The following MOSMO variants were observed in gnomAD, a reference collection of about 807,000 sequenced individuals.
MOSMO encodes modulator of smoothened protein.
MOSMO carries 5 observed loss-of-function variants against 18.4 expected under a neutral mutation model. The observed-to-expected ratio is 0.27, with a 90% CI of 0.14 to 0.57. The LOEUF is 0.57. Ranked by LOEUF, MOSMO falls within the 20% of genes least tolerant of loss-of-function variation. The pLI, the probability that MOSMO is intolerant of heterozygous loss-of-function variation, is 0.92. For synonymous variants in MOSMO, 82 were observed against 82.3 expected (o/e 1.00, Z 0.02); for missense variants, 138 against 211.8 (o/e 0.65, Z 2.16).
At chr16:22,020,059 C>T (rs1899723556) in intron 1 of MOSMO, among the ~76,000 whole-genome samples, 1 of 151,306 alleles carries the variant, frequency 6.6e-6, no homozygotes, top group Non-Finnish European at 1.5e-5. Flanking sequence ...ACTAAAAATA[C>T]AAAATTAGCC....
intron 1 of MOSMO, among the ~76,000 whole-genome samples, chr16:22,055,324 T>A (rs113404946): frequency 1.1e-4 from 16 of 152,176 alleles, no homozygotes; most frequent in Non-Finnish European, 1.5e-5. Context: ...ACACACTGCT[T>A]CTGGGTACTG....
intron 1 of MOSMO, among the ~76,000 whole-genome samples, chr16:22,037,376 T>C (rs1282965439): frequency 2.6e-5 from 4 of 152,172 alleles, no homozygotes; most frequent in African/African-American, 9.7e-5. Context: ...GGAATTAAGG[T>C]ATGAAATCAG....
intron 1 of MOSMO, among the ~76,000 whole-genome samples, chr16:22,051,785 G>T (rs1409710742): frequency 6.6e-6 from 1 of 152,132 alleles, no homozygotes; most frequent in African/African-American, 2.4e-5. Flanking sequence ...CTGGTGTCTG[G>T]GATGGGGTGG....
chr16:22,050,042 A>C (rs996456372), intron 1 of MOSMO, among the ~76,000 whole-genome samples: 1 of 152,220 alleles, frequency 6.6e-6, no homozygotes, highest in Admixed American at 6.5e-5. Context: ...GTATCATTTC[A>C]AAACTGACTT....
chr16:22,073,805 G>C (rs1900908531), intron 1 of MOSMO, among the ~76,000 whole-genome samples: 3 of 151,798 alleles, frequency 2.0e-5, no homozygotes, highest in South Asian at 4.2e-4. Context: ...GAAGATTTGT[G>C]TACTTTCTGT....
In MOSMO at chr16:22,045,526, T is replaced by TA. The variant is rs775743597; in HGVS notation, c.107-29956dup. On this transcript the variant is annotated intron_variant, in intron 1 of 2. Coordinates refer to ENST00000542527, the MANE Select transcript of MOSMO (RefSeq NM_001164579.2). ...ATAAAAATTTGCTTTTTGCATTTCT[T>TA]AAAAAGATTTCCTACGCTAAAAGGG... is the stretch of plus-strand genomic sequence containing the variant. 6.6e-5 allele frequency among the ~76,000 whole-genome samples: 10 copies of TA among 152,314 alleles called. No homozygotes were observed. In the East Asian group the frequency reaches 1.7e-3, roughly 26 times the overall value.
intron 1 of MOSMO, among the ~76,000 whole-genome samples, chr16:22,056,707 A>G (rs1900545993): frequency 6.6e-6 from 1 of 152,046 alleles, no homozygotes; most frequent in Non-Finnish European, 1.5e-5. Context: ...CAAATTAGAC[A>G]AACAAAAATA....
downstream of MOSMO, among the ~76,000 whole-genome samples, chr16:22,088,128 A>T (rs1901222070): frequency 6.6e-6 from 1 of 151,946 alleles, no homozygotes; most frequent in Admixed American, 6.5e-5. Context: ...GGCTCAAGCG[A>T]TTCACCCACC....
chr16:22,077,868 C>T (rs1245380050), intron 2 of MOSMO, among the ~76,000 whole-genome samples: 2 of 152,062 alleles, frequency 1.3e-5, no homozygotes, highest in East Asian at 3.9e-4. Flanking sequence ...GGTACCAGAA[C>T]GAGTGGCTGG....
intron 1 of MOSMO, among the ~76,000 whole-genome samples, chr16:22,037,533 TC>T (rs1217301652): frequency 6.6e-6 from 1 of 152,108 alleles, no homozygotes; most frequent in East Asian, 1.9e-4. Context: ...GGCATATAGA[TC>T]CCATAGATTG....
chr16:22,062,853 T>C (rs182333439), intron 1 of MOSMO, among the ~76,000 whole-genome samples: 12 of 152,058 alleles, frequency 7.9e-5, no homozygotes, highest in Non-Finnish European at 1.6e-4. Context: ...AGACCTGGAT[T>C]TCGGTCTTTT....
At chr16:22,056,273 C>T (rs1166782008) in intron 1 of MOSMO, among the ~76,000 whole-genome samples, 4 of 151,750 alleles carry the variant, frequency 2.6e-5, no homozygotes, top group Admixed American at 6.6e-5. Flanking sequence ...CTGCCACTGA[C>T]GCCTGAGTTC....
chr16:22,048,425 G>T lies in MOSMO; in HGVS notation c.107-27062G>T, dbSNP rs186171666. Among the ~76,000 whole-genome samples, 58 of 152,268 alleles carry T rather than the reference G, an allele frequency of 3.8e-4. No homozygotes were observed. In the East Asian group the frequency reaches 9.5e-3, roughly 25 times the overall value. ...TTTTTCTTCCAACCCTCTCAACAAT[G>T]TGTAAAAGTATATTCATTTCTCCGT... On this transcript the variant is annotated intron_variant, in intron 1 of 2. Coordinates refer to ENST00000542527, the MANE Select transcript of MOSMO (RefSeq NM_001164579.2).
intron 1 of MOSMO, among the ~76,000 whole-genome samples, chr16:22,024,009 ATATAT>A (rs573630822): frequency 0.045 from 6,627 of 148,386 alleles, 700 homozygotes; most frequent in East Asian, 0.4. Flanking sequence ...ATATATATAT[ATATAT>A]ATTTTCTTAA....
chr16:22,039,400 G>A (rs1303188059), intron 1 of MOSMO, among the ~76,000 whole-genome samples: 1 of 152,204 alleles, frequency 6.6e-6, no homozygotes, highest in Non-Finnish European at 1.5e-5. Flanking sequence ...AAGATGTCAA[G>A]CTCTACGCCT....
intron 1 of MOSMO, among the ~76,000 whole-genome samples, chr16:22,047,064 T>G (rs927487920): frequency 3.9e-5 from 6 of 152,106 alleles, no homozygotes; most frequent in African/African-American, 1.4e-4. Context: ...CTATCAGTTT[T>G]CTACATATTT....
intron 1 of MOSMO, among the ~76,000 whole-genome samples, chr16:22,043,351 C>A (rs1286032823): frequency 1.3e-5 from 2 of 152,108 alleles, no homozygotes; most frequent in African/African-American, 4.8e-5. Flanking sequence ...CAGTACATTT[C>A]CATTTCTGAC....
intron 1 of MOSMO, among the ~76,000 whole-genome samples, chr16:22,011,649 G>A: frequency 6.6e-6 from 1 of 152,112 alleles, no homozygotes; most frequent in Non-Finnish European, 1.5e-5. Context: ...ATGTGTGGCT[G>A]ATGTGGGATC....
chr16:22,020,068 C>T (rs559136124), intron 1 of MOSMO, among the ~76,000 whole-genome samples: 36 of 151,366 alleles, frequency 2.4e-4, no homozygotes, highest in African/African-American at 8.7e-4. Flanking sequence ...ACAAAATTAG[C>T]CAGGCGTGGT....
Sources: allele counts gnomAD v4.1 joint callset (sites outside exome capture counted in the v4.1 genomes callset), GRCh38; gene constraint gnomAD v4.1.1; transcripts MANE v1.5; gene names NCBI Gene and HGNC (gene_info 2026-07-23, HGNC 2026-07-21).